Variants in AKAP19 observed in about 807,000 individuals in gnomAD.
AKAP19 encodes the protein small A-kinase anchoring protein.
chr2:190,089,818 G>A, the AKAP19 span, among the ~76,000 whole-genome samples: 1 of 152,088 alleles, frequency 6.6e-6, no homozygotes, highest in Non-Finnish European at 1.5e-5. Context: ...TAAGTCTTAG[G>A]ACTCTTGAGG....
chr2:189,984,144 A>G, the AKAP19 span, among the ~76,000 whole-genome samples: 1 of 152,182 alleles, frequency 6.6e-6, no homozygotes, highest in East Asian at 1.9e-4. Flanking sequence ...TCTTATCAGG[A>G]GACAGGGTTT....
the AKAP19 span, among the ~76,000 whole-genome samples, chr2:190,114,780 T>C: frequency 6.6e-6 from 1 of 152,164 alleles, no homozygotes; most frequent in Non-Finnish European, 1.5e-5. Flanking sequence ...TAAGAGTAAA[T>C]GTATTTTCCT....
At chr2:190,138,128 G>C in the AKAP19 span, among the ~76,000 whole-genome samples, 6 of 152,186 alleles carry the variant, frequency 3.9e-5, no homozygotes, top group South Asian at 4.1e-4. Flanking sequence ...TATGAAACAT[G>C]CTTCAGAAAC....
the AKAP19 span, among the ~76,000 whole-genome samples, chr2:190,115,882 A>C: frequency 6.6e-6 from 1 of 152,204 alleles, no homozygotes; most frequent in South Asian, 2.1e-4. Flanking sequence ...GGCTACGCCC[A>C]GTTGATACTC....
At chr2:189,926,939 A>G in the AKAP19 span, among the ~76,000 whole-genome samples, 5 of 152,170 alleles carry the variant, frequency 3.3e-5, no homozygotes, top group African/African-American at 4.8e-5. Context: ...GCTGGAGTCC[A>G]GTGGTGTGAT....
chr2:189,894,054 T>A, the AKAP19 span, among the ~76,000 whole-genome samples: 1 of 152,140 alleles, frequency 6.6e-6, no homozygotes, highest in African/African-American at 2.4e-5. Context: ...GGTGGAAGGG[T>A]CTGGCTTCAA....
chr2:189,981,574 A>G, the AKAP19 span, among the ~76,000 whole-genome samples: 12 of 152,162 alleles, frequency 7.9e-5, no homozygotes, highest in Non-Finnish European at 1.0e-4. Flanking sequence ...TGTGGTCACA[A>G]TTGTGTAATT....
At chr2:190,140,210 C>T in the AKAP19 span, among the ~76,000 whole-genome samples, 348 of 152,278 alleles carry the variant, frequency 2.3e-3, 4 homozygotes, top group African/African-American at 7.9e-3. Flanking sequence ...GCAGGTTATA[C>T]TCCCCTCCTG....
the AKAP19 span, among the ~76,000 whole-genome samples, chr2:189,921,411 C>T: frequency 2.0e-5 from 3 of 152,098 alleles, no homozygotes; most frequent in Non-Finnish European, 4.4e-5. Context: ...TTGGATTTGA[C>T]AACATGAAGT....
the AKAP19 span, among the ~76,000 whole-genome samples, chr2:190,142,474 C>T: frequency 2.0e-5 from 3 of 152,176 alleles, no homozygotes; most frequent in Admixed American, 1.3e-4. Flanking sequence ...CAAACTCTTG[C>T]CACCACTCTT....
At chr2:190,077,288 C>T in the AKAP19 span, among the ~76,000 whole-genome samples, 1 of 151,506 alleles carries the variant, frequency 6.6e-6, no homozygotes, top group Non-Finnish European at 1.5e-5. Context: ...TGGCTCACTG[C>T]AACCTCTGCC....
the AKAP19 span, among the ~76,000 whole-genome samples, chr2:190,047,253 G>A: frequency 3.9e-5 from 6 of 152,168 alleles, no homozygotes; most frequent in Non-Finnish European, 7.3e-5. Context: ...GCATTCATGT[G>A]TGTGTGTGTT....
chr2:190,182,424 T>C, the AKAP19 span, among the ~76,000 whole-genome samples: 1 of 152,212 alleles, frequency 6.6e-6, no homozygotes, highest in African/African-American at 2.4e-5. Flanking sequence ...TCTCCTTTGC[T>C]TGACAGCCTT....
the AKAP19 span, among the ~76,000 whole-genome samples, chr2:189,994,879 G>A: frequency 4.6e-5 from 7 of 152,162 alleles, no homozygotes; most frequent in Non-Finnish European, 7.4e-5. Context: ...GATTACAGGC[G>A]TGAGCCACCA....
chr2:190,119,396 G>GCATGTCATTCA, the AKAP19 span, among the ~76,000 whole-genome samples: 1 of 152,180 alleles, frequency 6.6e-6, no homozygotes, highest in South Asian at 2.1e-4. Context: ...GTTTGACTAG[G>GCATGTCATTCA]CATGTCATTC....
At chr2:190,024,007 A>G in the AKAP19 span, among the ~76,000 whole-genome samples, 1 of 151,932 alleles carries the variant, frequency 6.6e-6, no homozygotes, top group Non-Finnish European at 1.5e-5. Flanking sequence ...GTACCTATAA[A>G]CGTATACCTA....
the AKAP19 span, among the ~76,000 whole-genome samples, chr2:189,905,789 C>A: frequency 6.6e-6 from 1 of 151,954 alleles, no homozygotes; most frequent in African/African-American, 2.4e-5. Context: ...ATAATTTTTA[C>A]AGTGCAATTT....
chr2:190,198,245 T>A, the AKAP19 span, among the ~76,000 whole-genome samples: 2 of 152,226 alleles, frequency 1.3e-5, no homozygotes, highest in South Asian at 2.1e-4. Context: ...ATTTATAGAA[T>A]AATATATGGT....
At chr2:190,064,733 G>A in the AKAP19 span, among the ~76,000 whole-genome samples, 9 of 152,198 alleles carry the variant, frequency 5.9e-5, 1 homozygote, top group South Asian at 1.9e-3. Context: ...ACTGCTTCAG[G>A]TCATAGCTGC....
Sources: allele counts gnomAD v4.1 joint callset (sites outside exome capture counted in the v4.1 genomes callset), GRCh38; gene constraint gnomAD v4.1.1; transcripts MANE v1.5; gene names NCBI Gene and HGNC (gene_info 2026-07-23, HGNC 2026-07-21).